The following ZER1 variants were observed in gnomAD, a reference collection of about 807,000 sequenced individuals.
The protein encoded by ZER1 is protein zer-1 homolog.
Under a neutral mutation model 78.8 loss-of-function variants are expected in ZER1, and 11 were observed. The ratio of observed to expected loss-of-function variants is 0.14; its 90% confidence interval spans 0.09 to 0.23. The LOEUF is 0.23. ZER1 is among the 10% of genes least tolerant of loss of function. The pLI is 1.00. For missense variants in ZER1, 588 were observed against 996.9 expected (o/e 0.59, Z 5.52); for synonymous variants, 400 against 407.0 (o/e 0.98, Z 0.21).
In ZER1 at chr9:128,732,060, G is replaced by A. The variant is rs571351868; in HGVS notation, c.2244-666C>T. Among the ~76,000 whole-genome samples, 17 of 152,358 alleles carry A rather than the reference G, an allele frequency of 1.1e-4. No individual in the cohort carries two copies. Among genetic ancestry groups the A allele is most frequent in the South Asian group, 6.2e-4 (3 of 4,830 alleles). ...TCACTGCAGCCTCTGTGTGTTAAAG[G>A]GATGCCCCAATACCTTTTAGGAAAC... On this transcript the variant is annotated intron_variant, in intron 15 of 15. Transcript: ENST00000291900. The surrounding 1 kb of genome is among the most constrained non-coding windows in gnomAD (Gnocchi z 4.8).
chr9:128,731,041 C>T lies in ZER1; in HGVS notation c.*296G>A. The T allele has an allele frequency of 6.1e-6, 1 of 163,206 alleles. No homozygotes were observed. The highest frequency in any genetic ancestry group is 1.3e-5 in the Non-Finnish European group (1 of 75,874). The allele number at this position is 163,206 out of a possible 1,614,324, so 10.1% of individuals were successfully genotyped here. On this transcript the variant is annotated 3_prime_UTR_variant, in exon 16 of 16. Transcript: ENST00000291900. ...GGAGTGTGTGTGTCAGCGATGAAGG[C>T]TGAGTGGGTTTGAGAATGGCCAAGG...
chr9:128,760,480 G>A (rs761929312), intron 1 of ZER1, among the ~76,000 whole-genome samples: 15 of 152,208 alleles, frequency 9.9e-5, no homozygotes, highest in Non-Finnish European at 2.2e-4. Flanking sequence ...GGGATTACAG[G>A]CGTGAGCCAC....
At chr9:128,758,999 ATTT>A (rs764467201) in intron 1 of ZER1, among the ~76,000 whole-genome samples, 2 of 139,792 alleles carry the variant, frequency 1.4e-5, no homozygotes, top group Non-Finnish European at 1.6e-5. Flanking sequence ...TTTCAAGTGA[ATTT>A]TTTTTTTTTT....
rs1225453535 is a variant in ZER1 at position 128,752,590 on chromosome 9, G to C, written c.923+83C>G. On this transcript the variant is annotated intron_variant, in intron 5 of 15. Coordinates refer to ENST00000291900, the MANE Select transcript of ZER1 (RefSeq NM_006336.4). ...CCCATCTTGGCTTCCCAAAGTGCTG[G>C]GATTACAGGCGTGAGCCACTGCGCC... 2.1e-5 allele frequency: 30 copies of C among 1,432,664 alleles called. No homozygotes were observed. The Admixed American group carries it at 2.3e-4, about 11-fold the overall frequency. The allele number at this position is 1,432,664 out of a possible 1,614,324, so 88.7% of individuals were successfully genotyped here.
chr9:128,749,231 G>A (rs546660092), intron 8 of ZER1, among the ~76,000 whole-genome samples: 5 of 151,950 alleles, frequency 3.3e-5, no homozygotes, highest in African/African-American at 1.2e-4. Flanking sequence ...GGGGGGCTGA[G>A]GCAGGAGGAT....
At chr9:128,741,360 T>C (rs1863285523) in intron 11 of ZER1, among the ~76,000 whole-genome samples, 175 bp downstream of exon 11, 1 of 152,170 alleles carries the variant, frequency 6.6e-6, no homozygotes, top group Non-Finnish European at 1.5e-5. Context: ...CATCTGGGTC[T>C]GGAGCTTCTG....
chr9:128,740,652 C>G lies in ZER1; in HGVS notation c.1853+120G>C. ...TTGAATGAATAAGAAACCACATTAT[C>G]GAGGGAAAATGACATTTATAGCAAA... On this transcript the variant is annotated intron_variant, in intron 12 of 15. Transcript: ENST00000291900. This position sits in a 1 kb window ranked among gnomAD's most constrained non-coding sequence, Gnocchi z 4.4. The G allele has an allele frequency of 1.6e-6, 1 of 614,080 alleles. No homozygotes were observed. Among genetic ancestry groups the G allele is most frequent in the Non-Finnish European group, 3.0e-6 (1 of 337,786 alleles). 38.0% of individuals were successfully genotyped at this position (614,080 alleles called of 1,614,324 possible).
chr9:128,735,760 G>GTTTTTTTTTTTTTT lies in ZER1; in HGVS notation c.2043-330_2043-329insAAAAAAAAAAAAAA, dbSNP rs779646793. Among the ~76,000 whole-genome samples the GTTTTTTTTTTTTTT allele has an allele frequency of 2.8e-3, 45 of 16,194 alleles. 18 individuals are homozygous for GTTTTTTTTTTTTTT. Among genetic ancestry groups the GTTTTTTTTTTTTTT allele is most frequent in the African/African-American group, 5.1e-3 (31 of 6,066 alleles). The allele number at this position is 16,194 out of a possible 152,430, so 10.6% of individuals were successfully genotyped here. ...CTGGGAACAGAAGCACGTGTGACCTGGTTTTTTTTTTTTTTTTTTTTTTTT... is the reference window on the plus strand; with the variant it reads ...CTGGGAACAGAAGCACGTGTGACCTGTTTTTTTTTTTTTTGTTTTTTTTTTTTTTTTTTTTTTTT... On this transcript the variant is annotated intron_variant, in intron 13 of 15. Transcript: ENST00000291900.
rs987139630 is a variant in ZER1, at chr9:128,746,631, T to TA, written c.1360-3887dup. The stretch of plus-strand genomic sequence containing the variant: ...ACGCATAGCACCACACCCAGCTAAT[T>TA]AAAAAAAAATTTTTTTTTTTTGAGA... On this transcript the variant is annotated intron_variant, in intron 8 of 15. Coordinates refer to ENST00000291900, the MANE Select transcript of ZER1 (RefSeq NM_006336.4). 6.6e-5 allele frequency among the ~76,000 whole-genome samples: 10 copies of TA among 151,274 alleles called. No homozygotes were observed. In the South Asian group the frequency reaches 1.7e-3, roughly 25 times the overall value.
At chr9:128,762,511 G>A (rs1219572585) in intron 1 of ZER1, among the ~76,000 whole-genome samples, 1 of 152,228 alleles carries the variant, frequency 6.6e-6, no homozygotes, top group Admixed American at 6.5e-5. Flanking sequence ...CTGTGCCTCA[G>A]TCACTTTTCC....
rs1863271180 is a variant in ZER1, at chr9:128,740,978, G to A, written c.1738-91C>T. The A allele has an allele frequency of 4.1e-6, 3 of 724,366 alleles. No homozygotes were observed. Among genetic ancestry groups the A allele is most frequent in the Non-Finnish European group, 7.7e-6 (3 of 389,028 alleles). 44.9% of individuals were successfully genotyped at this position (724,366 alleles called of 1,614,324 possible). On this transcript the variant is annotated intron_variant, in intron 11 of 15. Transcript: ENST00000291900. The surrounding 1 kb of genome is among the most constrained non-coding windows in gnomAD (Gnocchi z 4.4). ...AACCAAAAAGCTTCATGGGCATCTG[G>A]CCATGCCAACTAGACAAAGAGGGGG...
chr9:128,748,224 T>C (rs1254280088), intron 8 of ZER1, among the ~76,000 whole-genome samples: 1 of 151,802 alleles, frequency 6.6e-6, no homozygotes, highest in Non-Finnish European at 1.5e-5. Context: ...GCTAACACAG[T>C]GAAACCCCGT....
Position 128,753,781 on chromosome 9 carries a change from C to T in ZER1, c.309+28G>A. The T allele has an allele frequency of 1.3e-6, 2 of 1,599,816 alleles. No homozygotes were observed. Among genetic ancestry groups the T allele is most frequent in the Non-Finnish European group, 1.7e-6 (2 of 1,172,542 alleles). ...CTGGCCCCTGCTTGGTGTGGGCCCT[C>T]CTGGCGCTGTGGCGGGGCAGGTCTC... On this transcript the variant is annotated intron_variant, in intron 3 of 15. Transcript: ENST00000291900. This position sits in a 1 kb window ranked among gnomAD's most constrained non-coding sequence, Gnocchi z 7.5.
Position 128,753,743 on chromosome 9 carries a change from G to A in ZER1, c.309+66C>T. On this transcript the variant is annotated intron_variant, in intron 3 of 15. Coordinates refer to ENST00000291900, the MANE Select transcript of ZER1 (RefSeq NM_006336.4). This position sits in a 1 kb window ranked among gnomAD's most constrained non-coding sequence, Gnocchi z 7.5. The stretch of plus-strand genomic sequence containing the variant: ...TGGCTGGGCTGGGGATGGCTGGGCT[G>A]GAGGCGAGCAGCCTGGCCCCTGCTT... 6.4e-7 allele frequency: 1 copy of A among 1,569,814 alleles called. No individual in the cohort carries two copies. The highest frequency in any genetic ancestry group is 8.6e-7 in the Non-Finnish European group (1 of 1,157,238).
At position 128,733,121 on chromosome 9, in the gene ZER1, C is replaced by T. The variant is rs193218924; in HGVS notation, c.2243+305G>A. 376 of 312,920 alleles carry T rather than the reference C, an allele frequency of 1.2e-3. 1 individual carries two copies. The highest frequency in any genetic ancestry group is 7.5e-3 in the African/African-American group (362 of 48,512). The allele number at this position is 312,920 out of a possible 1,614,324, so 19.4% of individuals were successfully genotyped here. On this transcript the variant is annotated intron_variant, in intron 15 of 15. Coordinates refer to ENST00000291900, the MANE Select transcript of ZER1 (RefSeq NM_006336.4). ...CTTTGGCCAAAAATAATGAATAGTT[C>T]TGACCTGACTTGCTAATACCCAGTG...
Position 128,740,736 on chromosome 9 carries a change from G to T in ZER1, c.1853+36C>A. Reference sequence around the variant, plus strand: ...CGCTAGAGCTCTGAGCATTGTGGCAGCTAAGGCAAAAAGGGAAAGGATTAA... The same window carrying T: ...CGCTAGAGCTCTGAGCATTGTGGCATCTAAGGCAAAAAGGGAAAGGATTAA... On this transcript the variant is annotated intron_variant, in intron 12 of 15. Coordinates refer to ENST00000291900, the MANE Select transcript of ZER1 (RefSeq NM_006336.4). This position sits in a 1 kb window ranked among gnomAD's most constrained non-coding sequence, Gnocchi z 4.4. 1.3e-6 allele frequency: 1 copy of T among 778,646 alleles called. No individual in the cohort carries two copies. Among genetic ancestry groups the T allele is most frequent in the Non-Finnish European group, 2.4e-6 (1 of 416,718 alleles). 48.2% of individuals were successfully genotyped at this position (778,646 alleles called of 1,614,324 possible).
intron 8 of ZER1, among the ~76,000 whole-genome samples, chr9:128,750,197 C>T (rs1291968512): frequency 6.6e-6 from 1 of 152,142 alleles, no homozygotes; most frequent in Non-Finnish European, 1.5e-5. Context: ...AATTGATATC[C>T]CATGTTAATG....
In ZER1 at chr9:128,751,007, G is replaced by T; in HGVS notation, c.1185+115C>A. 6.9e-7 allele frequency: 1 copy of T among 1,456,102 alleles called. No individual in the cohort carries two copies. Among genetic ancestry groups the T allele is most frequent in the Non-Finnish European group, 9.1e-7 (1 of 1,100,234 alleles). The allele number at this position is 1,456,102 out of a possible 1,614,324, so 90.2% of individuals were successfully genotyped here. ...GGCCCAGGCTGGGGTTCGGGTCCTG[G>T]GGCCCTGGGGACAGGGTGCAGAAGG... On this transcript the variant is annotated intron_variant, in intron 7 of 15. Coordinates refer to ENST00000291900, the MANE Select transcript of ZER1 (RefSeq NM_006336.4). This position sits in a 1 kb window ranked among gnomAD's most constrained non-coding sequence, Gnocchi z 5.4.
intron 11 of ZER1, among the ~76,000 whole-genome samples, chr9:128,741,146 A>G (rs1431859836): frequency 1.3e-5 from 2 of 152,204 alleles, no homozygotes; most frequent in Non-Finnish European, 2.9e-5. Flanking sequence ...GGTTCTGTTC[A>G]CCAAAGCTCA....
Sources: gnomAD v4.1 joint callset for allele counts (sites outside exome capture counted in the v4.1 genomes callset) on GRCh38, gnomAD v4.1.1 for gene constraint, Gnocchi (gnomAD v3.1) non-coding constraint, MANE v1.5 for transcripts, NCBI Gene and HGNC (gene_info 2026-07-23, HGNC 2026-07-21) for gene names.